Variants in STAT5B observed in about 807,000 individuals in gnomAD.
STAT5B encodes signal transducer and activator of transcription 5B.
In STAT5B, 21 loss-of-function variants were observed where a neutral mutation model predicts 107.8. That is an observed-to-expected ratio of 0.19 (90% CI 0.14 to 0.28). The LOEUF is 0.28. Ranked by LOEUF, STAT5B falls within the 10% of genes least tolerant of loss-of-function variation. STAT5B has a pLI of 1.00. For synonymous variants in STAT5B, 325 were observed against 401.7 expected (o/e 0.81, Z 2.28); for missense variants, 565 against 1,008.2 (o/e 0.56, Z 5.95).
At chr17:42,284,411 T>G in the STAT5B span, among the ~76,000 whole-genome samples, 1 of 152,058 alleles carries the variant, frequency 6.6e-6, no homozygotes, top group South Asian at 2.1e-4. Context: ...GGACTACAGG[T>G]GTGCACCACC....
In STAT5B at chr17:42,256,171, C is replaced by T. The variant is rs143148791; in HGVS notation, c.-11+20077G>A. 4.8e-3 allele frequency among the ~76,000 whole-genome samples: 732 copies of T among 152,276 alleles called. 6 individuals carry two copies. The highest frequency in any genetic ancestry group is 0.017 in the African/African-American group (703 of 41,556). Reference sequence around the variant, plus strand: ...AAAACCAGTTTTTGCCTAATAAACTCACATTTTTTCTATCTTTAATGCTGA... The same window carrying T: ...AAAACCAGTTTTTGCCTAATAAACTTACATTTTTTCTATCTTTAATGCTGA... On this transcript the variant is annotated intron_variant, in intron 1 of 18. Coordinates refer to ENST00000293328, the MANE Select transcript of STAT5B (RefSeq NM_012448.4).
At chr17:42,210,674 G>A (rs1336094570) in intron 13 of STAT5B, 177 bp from the exon 14 acceptor site, 1 of 663,042 alleles carries the variant, frequency 1.5e-6, no homozygotes, top group Non-Finnish European at 2.7e-6. Flanking sequence ...AAAGAGGGAA[G>A]AAGGGGAAAA....
chr17:42,209,606 G>A (rs2080113105), intron 15 of STAT5B, among the ~76,000 whole-genome samples: 1 of 152,172 alleles, frequency 6.6e-6, no homozygotes, highest in Admixed American at 6.6e-5. Context: ...TAATCGGGAG[G>A]CTAAGGGAGG....
chr17:42,273,302 A>G (rs7218653), intron 1 of STAT5B, among the ~76,000 whole-genome samples: 54,196 of 152,036 alleles, frequency 0.36, 10,827 homozygotes, highest in African/African-American at 0.54. Flanking sequence ...AATACCACAC[A>G]TTTGAGGACA....
chr17:42,247,490 C>G (rs775649352), intron 1 of STAT5B, among the ~76,000 whole-genome samples: 52 of 152,254 alleles, frequency 3.4e-4, no homozygotes, highest in Middle Eastern at 3.4e-3. Context: ...AAGAGAGAAA[C>G]GCTTCATCAG....
intron 1 of STAT5B, chr17:42,272,604 T>G (rs1168470369): frequency 6.6e-6 from 1 of 152,178 alleles, no homozygotes; most frequent in Non-Finnish European, 1.5e-5. Context: ...TCAGTAAAGC[T>G]GTCATGAAGT....
chr17:42,251,026 C>T (rs2080495183), intron 1 of STAT5B, among the ~76,000 whole-genome samples: 2 of 150,868 alleles, frequency 1.3e-5, no homozygotes, highest in Admixed American at 1.3e-4. Context: ...AATGAATTAT[C>T]ATAAAATGCA....
At chr17:42,238,240 A>G (rs2080372852) in intron 1 of STAT5B, among the ~76,000 whole-genome samples, 1 of 149,764 alleles carries the variant, frequency 6.7e-6, no homozygotes, top group Admixed American at 6.7e-5. Context: ...CTTGAGGGAT[A>G]CTCCTACCTC....
chr17:42,278,436 C>T (rs538586813), upstream of STAT5B, among the ~76,000 whole-genome samples: 343 of 152,260 alleles, frequency 2.3e-3, 2 homozygotes, highest in African/African-American at 7.4e-3. Flanking sequence ...CCCGGTGTGG[C>T]GACACACACC....
chr17:42,218,720 C>T lies in STAT5B; in HGVS notation c.989+3G>A. 3 of 1,611,914 alleles carry T rather than the reference C, an allele frequency of 1.9e-6. No homozygotes were observed. Among genetic ancestry groups the T allele is most frequent in the East Asian group, 2.2e-5 (1 of 44,756 alleles). On this transcript the variant is annotated splice_donor_region_variant and intron_variant, in intron 8 of 18. Transcript: ENST00000293328. Reference sequence around the variant, plus strand: ...CTGGGCATGGCAAACAGGCAGCAGTCACCTGGTCACCAGGGCTGAGATAAT... The same window carrying T: ...CTGGGCATGGCAAACAGGCAGCAGTTACCTGGTCACCAGGGCTGAGATAAT...
At chr17:42,249,715 C>T (rs2080482123) in intron 1 of STAT5B, among the ~76,000 whole-genome samples, 1 of 152,024 alleles carries the variant, frequency 6.6e-6, no homozygotes. Context: ...TGCTGGAGTG[C>T]AGTGGCGTGA....
chr17:42,201,543 CACACACACACAA>C lies in STAT5B; in HGVS notation c.*183_*194del, dbSNP rs1360359904. On this transcript the variant is annotated 3_prime_UTR_variant, in exon 19 of 19. Transcript: ENST00000293328. ...AAACACGCACACACACACACACACA[CACACACACACAA>C]ACACATACTCGCACTCCCTTCGCTG... 2 of 662,212 alleles carry C rather than the reference CACACACACACAA, an allele frequency of 3.0e-6. No individual in the cohort carries two copies. Among genetic ancestry groups the C allele is most frequent in the Non-Finnish European group, 5.5e-6 (2 of 363,028 alleles). 41.0% of individuals were successfully genotyped at this position (662,212 alleles called of 1,614,324 possible). A position where few individuals can be genotyped will look rare whatever the true frequency, so the allele number is the denominator to read the frequency against.
At chr17:42,227,151 A>ATAAATAAATAAATAAATAAG (rs2080280565) in intron 3 of STAT5B, among the ~76,000 whole-genome samples, 1 of 149,094 alleles carries the variant, frequency 6.7e-6, no homozygotes, top group Non-Finnish European at 1.5e-5. Flanking sequence ...AAATAAATAA[A>ATAAATAAATAAATAAATAAG]TAAATAAATA....
intron 1 of STAT5B, among the ~76,000 whole-genome samples, chr17:42,237,022 G>A (rs138536468): frequency 6.6e-6 from 1 of 152,276 alleles, no homozygotes; most frequent in East Asian, 1.9e-4. Flanking sequence ...TCTAAAGACT[G>A]GGAAATGGAT....
intron 1 of STAT5B, among the ~76,000 whole-genome samples, chr17:42,260,176 G>A (rs78831771): frequency 2.6e-5 from 4 of 152,086 alleles, no homozygotes; most frequent in African/African-American, 9.7e-5. Context: ...CCTGGAAACT[G>A]GTGTTCAATT....
chr17:42,274,684 G>T (rs541663350), intron 1 of STAT5B, among the ~76,000 whole-genome samples: 1 of 152,188 alleles, frequency 6.6e-6, no homozygotes, highest in South Asian at 2.1e-4. Flanking sequence ...AACATGAAAG[G>T]CACACTCAAT....
intron 11 of STAT5B, 125 bp downstream of exon 11, chr17:42,217,035 A>G: frequency 6.6e-7 from 1 of 1,511,290 alleles, no homozygotes; most frequent in Non-Finnish European, 8.9e-7. Context: ...AGGTCAGTCC[A>G]TTTTCAGTTT....
chr17:42,249,022 G>T (rs967686088), intron 1 of STAT5B, among the ~76,000 whole-genome samples: 1 of 152,222 alleles, frequency 6.6e-6, no homozygotes, highest in Non-Finnish European at 1.5e-5. Flanking sequence ...TTAGGAAGGT[G>T]AGATTAAACA....
At chr17:42,257,925 AATTTT>A (rs1308842249) in intron 1 of STAT5B, among the ~76,000 whole-genome samples, 1 of 152,200 alleles carries the variant, frequency 6.6e-6, no homozygotes, top group Non-Finnish European at 1.5e-5. Context: ...CAATATAATG[AATTTT>A]ATGAGAGTGC....
Sources: allele counts gnomAD v4.1 joint callset (sites outside exome capture counted in the v4.1 genomes callset), GRCh38; gene constraint gnomAD v4.1.1; transcripts MANE v1.5; gene names NCBI Gene and HGNC (gene_info 2026-07-23, HGNC 2026-07-21).